Variants in ARMH3 observed in about 807,000 individuals in gnomAD.
The protein encoded by ARMH3 is armadillo like helical domain containing 3, also known as armadillo-like helical domain-containing protein 3.
ARMH3 carries 60 observed loss-of-function variants against 99.1 expected under a neutral mutation model. That is an observed-to-expected ratio of 0.61 (90% CI 0.49 to 0.75). ARMH3 has a LOEUF of 0.75. Among genes scored for constraint, ARMH3 ranks in the 30% least tolerant of loss-of-function variants. The probability of loss-of-function intolerance (pLI) is 0.00; values close to 1 mark genes in which losing one functional copy is unlikely to be tolerated. For synonymous variants in ARMH3, 285 were observed against 292.8 expected (o/e 0.97, Z 0.27); for missense variants, 679 against 843.1 (o/e 0.81, Z 2.41).
chr10:101,892,389 G>A (rs192363045), intron 23 of ARMH3, among the ~76,000 whole-genome samples: 26 of 152,228 alleles, frequency 1.7e-4, no homozygotes, highest in African/African-American at 6.3e-4. Context: ...AGCCCAGGGG[G>A]ATGAGGCTGC....
intron 2 of ARMH3, 69 bp from the exon 3 acceptor site, chr10:102,033,408 A>G (rs2067179303): frequency 1.4e-6 from 2 of 1,463,150 alleles, no homozygotes; most frequent in Non-Finnish European, 1.9e-6. Flanking sequence ...TACTATACAT[A>G]GTCAACCTTA....
intron 11 of ARMH3, among the ~76,000 whole-genome samples, chr10:102,011,227 T>C (rs2066622351): frequency 6.6e-6 from 1 of 151,926 alleles, no homozygotes; most frequent in Non-Finnish European, 1.5e-5. Flanking sequence ...GTGGCACAGA[T>C]CTACTGCACG....
At chr10:101,953,023 G>A (rs963753246) in intron 22 of ARMH3, among the ~76,000 whole-genome samples, 1 of 152,050 alleles carries the variant, frequency 6.6e-6, no homozygotes, top group African/African-American at 2.4e-5. Flanking sequence ...TATCCCACTG[G>A]GTGTATATAC....
At chr10:101,873,597 T>C (rs981100757) in intron 24 of ARMH3, among the ~76,000 whole-genome samples, 2 of 152,164 alleles carry the variant, frequency 1.3e-5, no homozygotes, top group Non-Finnish European at 2.9e-5. Context: ...TAAAACACTT[T>C]TATCAACCCA....
intron 1 of ARMH3, among the ~76,000 whole-genome samples, chr10:102,049,874 T>G (rs1294009842): frequency 6.6e-6 from 1 of 151,936 alleles, no homozygotes; most frequent in East Asian, 1.9e-4. Context: ...ATTTTTACAA[T>G]GAGGATATTA....
At chr10:101,898,306 T>C (rs2067890863) in intron 23 of ARMH3, among the ~76,000 whole-genome samples, 1 of 151,304 alleles carries the variant, frequency 6.6e-6, no homozygotes, top group African/African-American at 2.4e-5. Context: ...CAGGGAACCA[T>C]GATCACACCA....
chr10:101,878,324 T>C (rs1310030890), intron 24 of ARMH3, among the ~76,000 whole-genome samples: 9 of 152,274 alleles, frequency 5.9e-5, no homozygotes, highest in Admixed American at 5.9e-4. Context: ...GTATATTATC[T>C]ACCAAAATAA....
chr10:102,046,562 G>C (rs553133929), intron 1 of ARMH3, among the ~76,000 whole-genome samples: 1 of 152,242 alleles, frequency 6.6e-6, no homozygotes, highest in East Asian at 1.9e-4. Context: ...TGAGACAGAA[G>C]AATCGCTTGA....
intron 22 of ARMH3, chr10:101,952,639 A>G (rs1844843649): frequency 6.6e-6 from 1 of 152,214 alleles, no homozygotes; most frequent in Non-Finnish European, 1.5e-5. Context: ...AAGAAGGGGG[A>G]AAAGAGGAGA....
intron 1 of ARMH3, among the ~76,000 whole-genome samples, chr10:102,054,077 CTTGTT>C (rs1471838452): frequency 6.6e-6 from 1 of 152,066 alleles, no homozygotes; most frequent in Non-Finnish European, 1.5e-5. Flanking sequence ...AGGTTTTCAC[CTTGTT>C]TTAATTATCC....
chr10:101,895,885 A>C (rs1324050952), intron 23 of ARMH3, among the ~76,000 whole-genome samples: 1 of 152,244 alleles, frequency 6.6e-6, no homozygotes, highest in East Asian at 1.9e-4. Context: ...AGACAAGAAC[A>C]GATACTCAAT....
chr10:101,986,742 A>G (rs1181082446), intron 19 of ARMH3, among the ~76,000 whole-genome samples: 1 of 152,198 alleles, frequency 6.6e-6, no homozygotes, highest in East Asian at 1.9e-4. Flanking sequence ...AGTTCACCTG[A>G]TAAGGACTTG....
At chr10:102,040,833 C>G (rs1590225446) in intron 1 of ARMH3, among the ~76,000 whole-genome samples, 1 of 152,092 alleles carries the variant, frequency 6.6e-6, no homozygotes, top group Non-Finnish European at 1.5e-5. Context: ...AGCTTAGGAC[C>G]ATTAAGGCAG....
intron 22 of ARMH3, among the ~76,000 whole-genome samples, chr10:101,940,589 T>C (rs1844195812): frequency 6.6e-6 from 1 of 152,146 alleles, no homozygotes; most frequent in African/African-American, 2.4e-5. Flanking sequence ...CTCCTAATGC[T>C]ATCCCTCCCC....
chr10:102,009,003 T>C (rs1452660262), intron 13 of ARMH3, among the ~76,000 whole-genome samples: 1 of 152,226 alleles, frequency 6.6e-6, no homozygotes, highest in Non-Finnish European at 1.5e-5. Context: ...TGGCTTGGCC[T>C]ATTTTATCTC....
At chr10:102,049,141 A>C (rs1028964620) in intron 1 of ARMH3, among the ~76,000 whole-genome samples, 17 of 152,194 alleles carry the variant, frequency 1.1e-4, no homozygotes, top group African/African-American at 4.1e-4. Context: ...AGCATGGGAC[A>C]GGTTCCCCCA....
chr10:102,039,785 C>T (rs12413996), intron 2 of ARMH3, among the ~76,000 whole-genome samples: 12,119 of 152,150 alleles, frequency 0.08, 609 homozygotes, highest in East Asian at 0.15. Context: ...TTTTACCTGG[C>T]TCATGGCAAC....
At chr10:101,955,187 TAAAA>T (rs1335282744) in intron 22 of ARMH3, among the ~76,000 whole-genome samples, 1 of 151,872 alleles carries the variant, frequency 6.6e-6, no homozygotes, top group African/African-American at 2.4e-5. Flanking sequence ...GCCAAGCTCC[TAAAA>T]AAAAGAGATG....
chr10:101,961,304 C>T (rs1431923219), intron 20 of ARMH3, among the ~76,000 whole-genome samples: 3 of 151,960 alleles, frequency 2.0e-5, no homozygotes, highest in African/African-American at 4.8e-5. Context: ...TGGCTGCTTG[C>T]TCTCTCTTTT....
Sources: gnomAD v4.1 joint callset for allele counts (sites outside exome capture counted in the v4.1 genomes callset) on GRCh38, gnomAD v4.1.1 for gene constraint, MANE v1.5 for transcripts, NCBI Gene and HGNC (gene_info 2026-07-23, HGNC 2026-07-21) for gene names.